The following MORN4 variants were observed in gnomAD, a reference collection of about 807,000 sequenced individuals.
MORN4 encodes the protein MORN repeat-containing protein 4.
In MORN4, 8 loss-of-function variants were observed where a neutral mutation model predicts 16.4. The ratio of observed to expected loss-of-function variants is 0.49; its 90% CI spans 0.29 to 0.88. The LOEUF is 0.88. MORN4 is among the 40% of genes least tolerant of loss of function. MORN4 has a pLI of 0.09. For synonymous variants in MORN4, 53 were observed against 68.9 expected (o/e 0.77, Z 1.14); for missense variants, 159 against 182.9 (o/e 0.87, Z 0.75).
At chr10:97,623,906 T>C (rs1246189633) in intron 1 of MORN4, among the ~76,000 whole-genome samples, 2 of 151,996 alleles carry the variant, frequency 1.3e-5, no homozygotes, top group Middle Eastern at 3.4e-3. Context: ...CCACTAACTT[T>C]TTGTATTTTT....
intron 1 of MORN4, among the ~76,000 whole-genome samples, chr10:97,625,320 G>A (rs1678813329): frequency 6.8e-6 from 1 of 147,212 alleles, no homozygotes; most frequent in African/African-American, 2.4e-5. Context: ...TATAATTATG[G>A]GCAAGGTATT....
intron 1 of MORN4, among the ~76,000 whole-genome samples, chr10:97,627,617 G>A (rs1267040836): frequency 6.6e-6 from 1 of 152,176 alleles, no homozygotes; most frequent in Non-Finnish European, 1.5e-5. Flanking sequence ...TAAGAGAAAA[G>A]ATTCATTTCT....
At chr10:97,618,035 G>A (rs922259161) in intron 2 of MORN4, among the ~76,000 whole-genome samples, 1 of 151,806 alleles carries the variant, frequency 6.6e-6, no homozygotes, top group Non-Finnish European at 1.5e-5. Flanking sequence ...AATTAGCCGG[G>A]CATGGTGGTG....
At chr10:97,622,166 A>C (rs970585176) in intron 1 of MORN4, among the ~76,000 whole-genome samples, 1 of 152,194 alleles carries the variant, frequency 6.6e-6, no homozygotes, top group African/African-American at 2.4e-5. Context: ...CCACAGACTC[A>C]CAGGATAAAT....
chr10:97,619,366 A>G, intron 2 of MORN4: 1 of 583,184 alleles, frequency 1.7e-6, no homozygotes, highest in East Asian at 2.8e-5. Flanking sequence ...CAGAAGCAAA[A>G]AAAAGAAAGA....
intron 3 of MORN4, 79 bp downstream of exon 3, chr10:97,617,128 AC>A: frequency 3.7e-6 from 4 of 1,069,304 alleles, no homozygotes; most frequent in Non-Finnish European, 5.8e-6. Flanking sequence ...GTCAGGATTG[AC>A]CAGATATTTA....
At position 97,616,759 on chromosome 10, in the gene MORN4, A is replaced by G; in HGVS notation, c.211T>C (p.Phe71Leu). ...CGAATGAAGACTCCGACGCCATTAA[A>G]CTTGCCCTGGGCAAACTCCCCCTCA... ...RYEGEFAQGKFNGVGVFIRYD... is the reference protein window; with the variant it reads ...RYEGEFAQGKLNGVGVFIRYD... Residue 71 changes from phenylalanine (F) to leucine (L), a missense_variant, in exon 4 of 5, where the codon TTT becomes CTT. Transcript: ENST00000307450. 1 of 1,614,114 alleles carries G rather than the reference A, an allele frequency of 6.2e-7. No homozygotes were observed. Among genetic ancestry groups the G allele is most frequent in the Non-Finnish European group, 8.5e-7 (1 of 1,179,976 alleles).
At chr10:97,621,401 T>A (rs1335590775) in intron 1 of MORN4, among the ~76,000 whole-genome samples, 1 of 152,142 alleles carries the variant, frequency 6.6e-6, no homozygotes, top group Non-Finnish European at 1.5e-5. Context: ...GGATGTAATA[T>A]GAAGGCAGTG....
intron 3 of MORN4, 122 bp downstream of exon 3, chr10:97,617,086 A>C (rs4919121): frequency 1 from 786,552 of 788,500 alleles, 392,331 homozygotes; most frequent in East Asian, 1. Context: ...ACTACTTATT[A>C]CTCATCTGTG....
chr10:97,619,620 T>G lies in MORN4; in HGVS notation c.34A>C (p.Ser12Arg). 2 of 1,613,988 alleles carry G rather than the reference T, an allele frequency of 1.2e-6. No homozygotes were observed. The highest frequency in any genetic ancestry group is 1.7e-6 in the Non-Finnish European group (2 of 1,179,884). ...TLTKGSFTYS[S>R]GEEYRGEWKE... is the part of the protein sequence containing the mutation. ...CACTCGCCACGATATTCCTCCCCAC[T>G]GGAGTAGGTGAAGGAACCTTTTGTC... Residue 12 changes from serine to arginine, a missense_variant, in exon 2 of 5, where the codon AGT (serine) becomes CGT (arginine). Ser to Arg is a moderately radical substitution (Grantham distance 110, BLOSUM62 -1). Coordinates refer to ENST00000307450, the MANE Select transcript of MORN4 (RefSeq NM_178832.4).
intron 1 of MORN4, among the ~76,000 whole-genome samples, chr10:97,620,654 C>T (rs1295269419): frequency 1.3e-5 from 2 of 151,818 alleles, no homozygotes; most frequent in African/African-American, 4.8e-5. Context: ...AGGAAATAAG[C>T]CTGTGTAGGT....
In MORN4 at chr10:97,618,390, C is replaced by CAGT; in HGVS notation, c.68-1071_68-1069dup. 2.0e-5 allele frequency among the ~76,000 whole-genome samples: 3 copies of CAGT among 151,614 alleles called. No homozygotes were observed. The Middle Eastern group carries it at 0.01, about 516-fold the overall frequency. On this transcript the variant is annotated intron_variant, in intron 2 of 4. Transcript: ENST00000307450. ...AATGATTCTCCTCCCTCAGCCTCCC[C>CAGT]AGTAGCTGGGATTACAAAGTGTTGG...
At chr10:97,627,146 T>G (rs907622272) in intron 1 of MORN4, among the ~76,000 whole-genome samples, 2 of 152,000 alleles carry the variant, frequency 1.3e-5, no homozygotes, top group Non-Finnish European at 2.9e-5. Context: ...ACCTTTTTTT[T>G]TTTGTTTTTT....
At chr10:97,633,515 C>T, upstream of MORN4, 3 of 1,289,910 alleles carry the variant, frequency 2.3e-6, no homozygotes, top group Non-Finnish European at 2.0e-6. The surrounding 1 kb of genome is among the most constrained non-coding windows in gnomAD (Gnocchi z 4.5). Context: ...ACAATTCCCG[C>T]TGCCCATTGG....
At chr10:97,632,713 T>TTTA (rs934018113) in intron 1 of MORN4, among the ~76,000 whole-genome samples, 1 of 151,964 alleles carries the variant, frequency 6.6e-6, no homozygotes, top group Non-Finnish European at 1.5e-5. Context: ...ATTTTTTTTT[T>TTTA]TTTTTATTTA....
At chr10:97,631,562 A>T (rs1434418812) in intron 1 of MORN4, among the ~76,000 whole-genome samples, 1 of 151,262 alleles carries the variant, frequency 6.6e-6, no homozygotes, top group Non-Finnish European at 1.5e-5. Context: ...TTAAGAAATC[A>T]ACGTATTAAA....
rs185420502 is a variant in MORN4, at chr10:97,623,929, A to G, written c.-30-4246T>C. 2.4e-3 allele frequency among the ~76,000 whole-genome samples: 365 copies of G among 151,806 alleles called. 1 individual carries two copies. The highest frequency in any genetic ancestry group is 5.8e-3 in the African/African-American group (241 of 41,384). ...TTTTTGTATTTTTTAGTAGAGATGG[A>G]GTTTCACCGTGTTAGCCAGGATGGT... is the stretch of plus-strand genomic sequence containing the variant. On this transcript the variant is annotated intron_variant, in intron 1 of 4. Transcript: ENST00000307450.
At chr10:97,618,399 G>A (rs2041258269) in intron 2 of MORN4, among the ~76,000 whole-genome samples, 2 of 151,220 alleles carry the variant, frequency 1.3e-5, no homozygotes, top group South Asian at 2.1e-4. Flanking sequence ...CCAGTAGCTG[G>A]GATTACAAAG....
chr10:97,630,370 G>A (rs1370085683), intron 1 of MORN4, among the ~76,000 whole-genome samples: 4 of 152,156 alleles, frequency 2.6e-5, no homozygotes, highest in East Asian at 3.9e-4. Flanking sequence ...CCTGGCCACA[G>A]TATGGGTGTT....
Sources: allele counts gnomAD v4.1 joint callset (sites outside exome capture counted in the v4.1 genomes callset), GRCh38; gene constraint gnomAD v4.1.1; non-coding constraint Gnocchi (gnomAD v3.1); transcripts MANE v1.5; gene names NCBI Gene and HGNC (gene_info 2026-07-23, HGNC 2026-07-21).